Variants in CNTNAP5 observed in about 807,000 individuals in gnomAD.
CNTNAP5 encodes contactin-associated protein-like 5.
A neutral mutation model predicts 150.2 loss-of-function variants in CNTNAP5; 72 were observed. The ratio of observed to expected loss-of-function variants is 0.48; its 90% confidence interval spans 0.40 to 0.58. CNTNAP5 has a LOEUF of 0.58. Ranked by LOEUF, CNTNAP5 falls within the 20% of genes least tolerant of loss-of-function variation. The pLI, the probability that CNTNAP5 is intolerant of heterozygous loss-of-function variation, is 0.00. For synonymous variants in CNTNAP5, 672 were observed against 619.8 expected, an observed-to-expected ratio of 1.08 and a Z score of -1.25; for missense variants, 1,636 against 1,626.2, an observed-to-expected ratio of 1.01 and a Z score of -0.10.
intron 10 of CNTNAP5, among the ~76,000 whole-genome samples, chr2:124,550,885 T>C (rs576365753): frequency 6.6e-6 from 1 of 152,326 alleles, no homozygotes; most frequent in African/African-American, 2.4e-5. Flanking sequence ...CAGGTAGCAA[T>C]GTCTTGCTAC....
chr2:124,385,289 T>G (rs148739348), intron 3 of CNTNAP5, among the ~76,000 whole-genome samples: 1 of 152,280 alleles, frequency 6.6e-6, no homozygotes, highest in African/African-American at 2.4e-5. Flanking sequence ...ATGAACATAA[T>G]CTAATAGTGA....
At chr2:124,564,344 GTTTA>G (rs1226690115) in intron 11 of CNTNAP5, among the ~76,000 whole-genome samples, 2 of 151,968 alleles carry the variant, frequency 1.3e-5, no homozygotes, top group African/African-American at 2.4e-5. Flanking sequence ...TTTTTTATTT[GTTTA>G]TTTATTTATT....
At chr2:124,376,024 T>C (rs1159950565) in intron 3 of CNTNAP5, among the ~76,000 whole-genome samples, 2 of 152,066 alleles carry the variant, frequency 1.3e-5, no homozygotes, top group Admixed American at 1.3e-4. Flanking sequence ...AGTACCAAAC[T>C]TGTATATTTT....
chr2:124,381,712 G>T (rs1690800674), intron 3 of CNTNAP5, among the ~76,000 whole-genome samples: 1 of 152,090 alleles, frequency 6.6e-6, no homozygotes, highest in Non-Finnish European at 1.5e-5. Flanking sequence ...AGGTCGAGCG[G>T]GACCTACAAG....
intron 3 of CNTNAP5, among the ~76,000 whole-genome samples, chr2:124,381,696 T>C (rs997096004): frequency 6.6e-6 from 1 of 152,068 alleles, no homozygotes; most frequent in African/African-American, 2.4e-5. Context: ...CCTATGAGCC[T>C]GGGAGAGGTC....
At chr2:124,580,555 T>A (rs1696387337) in intron 11 of CNTNAP5, among the ~76,000 whole-genome samples, 1 of 152,250 alleles carries the variant, frequency 6.6e-6, no homozygotes, top group Admixed American at 6.5e-5. Flanking sequence ...AATCGTTCTT[T>A]GCTCAATTAA....
intron 12 of CNTNAP5, among the ~76,000 whole-genome samples, chr2:124,612,850 C>T (rs1051695739): frequency 1.3e-5 from 2 of 152,062 alleles, no homozygotes; most frequent in African/African-American, 2.4e-5. Flanking sequence ...GTCAGGAGTT[C>T]GAGACCAGCC....
At chr2:124,455,617 GA>G (rs1193926855) in intron 6 of CNTNAP5, among the ~76,000 whole-genome samples, 24 of 152,052 alleles carry the variant, frequency 1.6e-4, no homozygotes, top group Non-Finnish European at 7.4e-5. Flanking sequence ...TAACCAAAAA[GA>G]AAACTACATA....
chr2:124,360,351 A>T (rs553394658), intron 3 of CNTNAP5, among the ~76,000 whole-genome samples: 1 of 149,346 alleles, frequency 6.7e-6, no homozygotes, highest in East Asian at 2.0e-4. Context: ...TCCTGTCATT[A>T]TGATGTTAGC....
chr2:124,728,566 T>C (rs914247099), intron 13 of CNTNAP5, among the ~76,000 whole-genome samples: 2 of 152,076 alleles, frequency 1.3e-5, no homozygotes, highest in African/African-American at 4.8e-5. Context: ...TTTCAATGAA[T>C]GTAAAATATC....
Position 124,916,882 on chromosome 2 carries a change from C to A in CNTNAP5, c.*2594C>A, listed in dbSNP as rs77888773. On this transcript the variant is annotated 3_prime_UTR_variant, in exon 24 of 24. Transcript: ENST00000682447. ...TTATTTTTACAGGGTTGAATTATTT[C>A]ATAACCCCAGAGAACACTAACTTTC... is the stretch of plus-strand genomic sequence containing the variant. 0.031 allele frequency among the ~76,000 whole-genome samples: 4,719 copies of A among 152,090 alleles called. 263 individuals carry two copies. The highest frequency in any genetic ancestry group is 0.11 in the African/African-American group (4,423 of 41,490).
chr2:124,891,804 G>T (rs576600365), intron 21 of CNTNAP5, among the ~76,000 whole-genome samples: 1 of 152,038 alleles, frequency 6.6e-6, no homozygotes, highest in East Asian at 1.9e-4. Flanking sequence ...TTTTGAGGAA[G>T]TAATATTCCC....
At chr2:124,802,852 C>T (rs1681998514) in intron 19 of CNTNAP5, among the ~76,000 whole-genome samples, 2 of 152,116 alleles carry the variant, frequency 1.3e-5, no homozygotes, top group East Asian at 1.9e-4. Flanking sequence ...TGGCCAGGCG[C>T]GGTGGCTCAC....
Position 124,434,464 on chromosome 2 carries a change from C to A in CNTNAP5, c.530-20C>A. 1 of 1,599,458 alleles carries A rather than the reference C, an allele frequency of 6.3e-7. No homozygotes were observed. Among genetic ancestry groups the A allele is most frequent in the South Asian group, 1.1e-5 (1 of 90,744 alleles). On this transcript the variant is annotated intron_variant, in intron 4 of 23. Transcript: ENST00000682447. ...AGAATATGCACTAATTTTTCTTTCC[C>A]GCTCCTTCTTTGTTCCCAGAATCAG...
chr2:124,370,318 G>T (rs1419663243), intron 3 of CNTNAP5, among the ~76,000 whole-genome samples: 3 of 152,120 alleles, frequency 2.0e-5, no homozygotes, highest in African/African-American at 7.2e-5. Context: ...GGGTTGCAAT[G>T]GCTAGAGGGA....
At chr2:124,502,726 G>A (rs1694305691) in intron 7 of CNTNAP5, among the ~76,000 whole-genome samples, 1 of 152,152 alleles carries the variant, frequency 6.6e-6, no homozygotes, top group Admixed American at 6.5e-5. Flanking sequence ...ATTTACCAGA[G>A]ATCCAAAAAT....
intron 11 of CNTNAP5, among the ~76,000 whole-genome samples, chr2:124,596,089 G>C (rs1177221550): frequency 7.4e-6 from 1 of 134,402 alleles, no homozygotes; most frequent in Admixed American, 7.7e-5. Context: ...CAAAAAACCA[G>C]CTCCTGGATT....
intron 1 of CNTNAP5, among the ~76,000 whole-genome samples, chr2:124,168,346 C>T (rs1044661519): frequency 7.2e-5 from 11 of 152,110 alleles, no homozygotes; most frequent in East Asian, 1.9e-4. Context: ...AAAGCTTTAT[C>T]GTGCTAATGC....
At chr2:124,255,202 A>G (rs1214232010) in intron 3 of CNTNAP5, among the ~76,000 whole-genome samples, 1 of 152,144 alleles carries the variant, frequency 6.6e-6, no homozygotes, top group Non-Finnish European at 1.5e-5. Context: ...AACCTGTGCA[A>G]CATAATGAGA....
Sources: allele counts gnomAD v4.1 joint callset (sites outside exome capture counted in the v4.1 genomes callset), GRCh38; gene constraint gnomAD v4.1.1; transcripts MANE v1.5; gene names NCBI Gene and HGNC (gene_info 2026-07-23, HGNC 2026-07-21).